Variants in CAMK1D observed in about 807,000 individuals in gnomAD.
The protein encoded by CAMK1D is calcium/calmodulin-dependent protein kinase type 1D.
Under a neutral mutation model 47.7 loss-of-function variants are expected in CAMK1D, and 9 were observed. The observed-to-expected ratio is 0.19, with a 90% CI of 0.11 to 0.33. The LOEUF is 0.33. Among genes scored for constraint, CAMK1D ranks in the 10% least tolerant of loss-of-function variants. The pLI is 1.00. For synonymous variants in CAMK1D, 184 were observed against 184.9 expected, an observed-to-expected ratio of 0.99 and a Z score of 0.04; for missense variants, 291 against 488.7, an observed-to-expected ratio of 0.60 and a Z score of 3.81.
chr10:12,477,577 G>T (rs968507667), intron 1 of CAMK1D, among the ~76,000 whole-genome samples: 1 of 152,194 alleles, frequency 6.6e-6, no homozygotes, highest in Admixed American at 6.5e-5. Context: ...CAGGAAGAAC[G>T]GGATTTAGGT....
intron 1 of CAMK1D, among the ~76,000 whole-genome samples, chr10:12,474,312 C>A (rs1361987842): frequency 6.6e-6 from 1 of 151,306 alleles, no homozygotes; most frequent in Non-Finnish European, 1.5e-5. Flanking sequence ...CATTCTCCTG[C>A]CTCAACCTCC....
chr10:12,493,524 C>G (rs1382884731), intron 1 of CAMK1D, among the ~76,000 whole-genome samples: 3 of 152,130 alleles, frequency 2.0e-5, no homozygotes, highest in Non-Finnish European at 4.4e-5. Context: ...GACAGAGTCT[C>G]TCTCTGTCAC....
intron 2 of CAMK1D, among the ~76,000 whole-genome samples, chr10:12,635,935 C>T (rs1048791267): frequency 6.6e-6 from 1 of 152,190 alleles, no homozygotes; most frequent in African/African-American, 2.4e-5. Context: ...GAAAACTATC[C>T]TATTTAAAGT....
rs946283377 is a variant in CAMK1D, at chr10:12,615,508, TTA to T, written c.225-51226_225-51225del. 1.2e-3 allele frequency among the ~76,000 whole-genome samples: 174 copies of T among 146,946 alleles called. 7 individuals carry two copies. Among genetic ancestry groups the T allele is most frequent in the African/African-American group, 4.2e-3 (160 of 37,656 alleles). On this transcript the variant is annotated intron_variant, in intron 2 of 10. Transcript: ENST00000619168. ...GGTGTGTGCATGTGTACATGTATAG[TTA>T]TGTGTGTGTATATCGGTGTGTGTGC...
chr10:12,730,740 TG>T (rs1269843559), intron 3 of CAMK1D, among the ~76,000 whole-genome samples: 1 of 151,620 alleles, frequency 6.6e-6, no homozygotes, highest in Non-Finnish European at 1.5e-5. Context: ...GTCGAGAAGG[TG>T]GTTTAGGGAG....
intron 1 of CAMK1D, among the ~76,000 whole-genome samples, chr10:12,479,419 C>T (rs528931765): frequency 2.0e-5 from 3 of 152,318 alleles, no homozygotes; most frequent in East Asian, 3.9e-4. Context: ...TGGTCTCGAA[C>T]TCCTGACTTC....
intron 1 of CAMK1D, among the ~76,000 whole-genome samples, chr10:12,468,034 A>G (rs1378560464): frequency 2.0e-5 from 3 of 152,268 alleles, no homozygotes; most frequent in East Asian, 3.9e-4. Flanking sequence ...CATACAAGCT[A>G]CCGATTTTAT....
intron 2 of CAMK1D, among the ~76,000 whole-genome samples, chr10:12,645,920 A>G (rs979019579): frequency 2.0e-5 from 3 of 149,492 alleles, no homozygotes; most frequent in African/African-American, 7.4e-5. Flanking sequence ...ACTTTAAACT[A>G]TTTTCATACT....
At chr10:12,673,562 C>T (rs1043271544) in intron 3 of CAMK1D, among the ~76,000 whole-genome samples, 2 of 152,140 alleles carry the variant, frequency 1.3e-5, no homozygotes, top group Non-Finnish European at 2.9e-5. Context: ...TCTCAATAAT[C>T]ATGTCGTCTG....
intron 6 of CAMK1D, among the ~76,000 whole-genome samples, chr10:12,796,551 G>A (rs985964218): frequency 3.9e-5 from 6 of 152,166 alleles, no homozygotes; most frequent in Non-Finnish European, 7.3e-5. Flanking sequence ...GCTGGCTCTT[G>A]ATGGAATACA....
chr10:12,777,642 G>A (rs1403499754), intron 5 of CAMK1D, among the ~76,000 whole-genome samples: 1 of 152,142 alleles, frequency 6.6e-6, no homozygotes, highest in Non-Finnish European at 1.5e-5. Context: ...CCAGAGTGCT[G>A]GGATTACAGG....
chr10:12,444,340 G>A (rs1214928643), intron 1 of CAMK1D, among the ~76,000 whole-genome samples: 1 of 152,112 alleles, frequency 6.6e-6, no homozygotes, highest in Admixed American at 6.6e-5. Context: ...TAAGAACCAT[G>A]ATGGAAACCT....
At chr10:12,620,553 C>T (rs12355005) in intron 2 of CAMK1D, among the ~76,000 whole-genome samples, 51,966 of 152,158 alleles carry the variant, frequency 0.34, 11,024 homozygotes, top group Non-Finnish European at 0.45. Flanking sequence ...GCCTACTTGC[C>T]ATGTGTTTAT....
rs145971078 is a variant in CAMK1D at position 12,713,382 on chromosome 10, T to G, written c.299+46572T>G. ...GGTTTCCATGAGTTGCGTTTTACCCTGAGGTTGGTGAAGTGCAGCATTGGG... is the reference window on the plus strand; with the variant it reads ...GGTTTCCATGAGTTGCGTTTTACCCGGAGGTTGGTGAAGTGCAGCATTGGG... On this transcript the variant is annotated intron_variant, in intron 3 of 10. Transcript: ENST00000619168. 9.2e-5 allele frequency among the ~76,000 whole-genome samples: 14 copies of G among 152,306 alleles called. No homozygotes were observed. In the East Asian group the frequency reaches 2.7e-3, roughly 29 times the overall value.
intron 1 of CAMK1D, among the ~76,000 whole-genome samples, chr10:12,468,534 TC>T (rs1428412723): frequency 6.6e-6 from 1 of 152,102 alleles, no homozygotes; most frequent in African/African-American, 2.4e-5. Context: ...ATTGGGGGTG[TC>T]CCTAGTAGGG....
chr10:12,572,613 G>A (rs1471183761), intron 2 of CAMK1D, among the ~76,000 whole-genome samples: 3 of 152,044 alleles, frequency 2.0e-5, no homozygotes, highest in African/African-American at 7.2e-5. Flanking sequence ...CCCTAGGCAA[G>A]GCAATTTACT....
At chr10:12,662,651 C>CAAAAAAAAAAAAAAAAAAAAAAA (rs56807588) in intron 2 of CAMK1D, among the ~76,000 whole-genome samples, 55 of 140,468 alleles carry the variant, frequency 3.9e-4, no homozygotes, top group Middle Eastern at 4.0e-3. Context: ...CACTCTGCCT[C>CAAAAAAAAAAAAAAAAAAAAAAA]AAAAAAAAAA....
At chr10:12,388,818 T>G (rs1386966776) in intron 1 of CAMK1D, among the ~76,000 whole-genome samples, 1 of 152,106 alleles carries the variant, frequency 6.6e-6, no homozygotes, top group Non-Finnish European at 1.5e-5. Flanking sequence ...TCCCACCGCT[T>G]AGGAAGTCGT....
At chr10:12,405,018 C>T (rs1325351487) in intron 1 of CAMK1D, among the ~76,000 whole-genome samples, 1 of 152,122 alleles carries the variant, frequency 6.6e-6, no homozygotes, top group East Asian at 1.9e-4. Flanking sequence ...AAGTAATTTC[C>T]TTTAAATTTT....
Sources: gnomAD v4.1 joint callset for allele counts (sites outside exome capture counted in the v4.1 genomes callset) on GRCh38, gnomAD v4.1.1 for gene constraint, MANE v1.5 for transcripts, NCBI Gene and HGNC (gene_info 2026-07-23, HGNC 2026-07-21) for gene names.